Variants in PUM2 observed in about 807,000 individuals in gnomAD.
PUM2 encodes the protein pumilio RNA binding family member 2.
PUM2 carries 57 observed loss-of-function variants against 124.5 expected under a neutral mutation model. That is an observed-to-expected ratio of 0.46 (90% CI 0.37 to 0.57). PUM2 has a LOEUF of 0.57. Ranked by LOEUF, PUM2 falls within the 20% of genes least tolerant of loss-of-function variation. The pLI, the probability that PUM2 is intolerant of heterozygous loss-of-function variation, is 0.00. For missense variants in PUM2, 1,065 were observed against 1,290.6 expected, an observed-to-expected ratio of 0.83 and a Z score of 2.68; for synonymous variants, 460 against 446.1, an observed-to-expected ratio of 1.03 and a Z score of -0.39.
chr2:20,326,678 G>A (rs894640934), intron 2 of PUM2, among the ~76,000 whole-genome samples: 2 of 152,148 alleles, frequency 1.3e-5, no homozygotes, highest in South Asian at 4.1e-4. Flanking sequence ...GAAAATCATA[G>A]ATTAACGAGA....
At chr2:20,327,659 A>G (rs968862280) in intron 1 of PUM2, among the ~76,000 whole-genome samples, 1 of 152,232 alleles carries the variant, frequency 6.6e-6, no homozygotes, top group African/African-American at 2.4e-5. Flanking sequence ...AGAACAGTCT[A>G]TACTTTAAAG....
chr2:20,275,618 T>C (rs1358986655), intron 13 of PUM2, among the ~76,000 whole-genome samples: 2 of 152,052 alleles, frequency 1.3e-5, no homozygotes, highest in Non-Finnish European at 2.9e-5. Context: ...AACACGTGTC[T>C]CCCGATACAG....
At chr2:20,306,386 A>T (rs1173190060) in intron 7 of PUM2, among the ~76,000 whole-genome samples, 1 of 152,164 alleles carries the variant, frequency 6.6e-6, no homozygotes, top group Non-Finnish European at 1.5e-5. Context: ...AACCCCAAAA[A>T]AGAAGAGTAA....
chr2:20,264,391 T>TAC (rs1180569309), intron 13 of PUM2, among the ~76,000 whole-genome samples: 8 of 117,298 alleles, frequency 6.8e-5, no homozygotes, highest in African/African-American at 2.0e-4. Context: ...TATATATATA[T>TAC]ATATATTTGA....
intron 16 of PUM2, among the ~76,000 whole-genome samples, 166 bp downstream of exon 16, chr2:20,258,077 G>T (rs1665240989): frequency 6.6e-6 from 1 of 152,106 alleles, no homozygotes; most frequent in African/African-American, 2.4e-5. Context: ...TCTACTTTGT[G>T]ACTTCTAATT....
At chr2:20,256,670 A>AT (rs921893721) in intron 16 of PUM2, among the ~76,000 whole-genome samples, 2 of 152,188 alleles carry the variant, frequency 1.3e-5, no homozygotes, top group Non-Finnish European at 2.9e-5. Flanking sequence ...ATGGGCTATG[A>AT]TTTTTACATA....
chr2:20,264,362 A>T (rs66887403), intron 13 of PUM2, among the ~76,000 whole-genome samples: 1 of 75,768 alleles, frequency 1.3e-5, no homozygotes, highest in Non-Finnish European at 2.5e-5. Flanking sequence ...AAAAAAAAAA[A>T]AAAAAATATA....
intron 2 of PUM2, among the ~76,000 whole-genome samples, chr2:20,320,707 T>C (rs777940828): frequency 5.8e-4 from 88 of 152,210 alleles, no homozygotes; most frequent in South Asian, 1.0e-3. Context: ...TCCCAGTAAG[T>C]AAACTATAAC....
intron 9 of PUM2, among the ~76,000 whole-genome samples, chr2:20,291,441 T>C (rs957621154): frequency 5.3e-5 from 8 of 152,228 alleles, no homozygotes; most frequent in South Asian, 2.1e-4. Context: ...TCTATTCTGG[T>C]ACTTTATCCG....
chr2:20,272,133 G>C (rs889102200), intron 13 of PUM2, among the ~76,000 whole-genome samples: 1 of 151,518 alleles, frequency 6.6e-6, no homozygotes, highest in Non-Finnish European at 1.5e-5. Flanking sequence ...CTCCAGCCTG[G>C]GGGGCAGAGC....
chr2:20,252,125 G>C (rs931745542), intron 20 of PUM2, among the ~76,000 whole-genome samples: 2 of 152,198 alleles, frequency 1.3e-5, no homozygotes, highest in Non-Finnish European at 2.9e-5. Context: ...TAACGCAGCT[G>C]TTAAAAATAA....
intron 13 of PUM2, among the ~76,000 whole-genome samples, chr2:20,270,710 C>A (rs999889529): frequency 6.6e-6 from 1 of 152,024 alleles, no homozygotes; most frequent in African/African-American, 2.4e-5. Flanking sequence ...ATGTAGGATA[C>A]CAAGTAATTT....
At chr2:20,276,006 A>G (rs1572660309) in intron 13 of PUM2, among the ~76,000 whole-genome samples, 1 of 150,674 alleles carries the variant, frequency 6.6e-6, no homozygotes, top group African/African-American at 2.4e-5. Flanking sequence ...TACTGTAGTT[A>G]TTGTTTTGAA....
chr2:20,288,043 T>C (rs1479953368), intron 10 of PUM2, among the ~76,000 whole-genome samples: 1 of 152,230 alleles, frequency 6.6e-6, no homozygotes, highest in Non-Finnish European at 1.5e-5. Context: ...AAAGGATTAA[T>C]GCAAATATAC....
At position 20,249,260 on chromosome 2, in the gene PUM2, A is replaced by C. The variant is rs1057347942; in HGVS notation, c.*2325T>G. ...GTACAAAGACAGGAAAGCCATTACCAATCTCCAACATGACAGCTTTGATCC... is the reference window on the plus strand; with the variant it reads ...GTACAAAGACAGGAAAGCCATTACCCATCTCCAACATGACAGCTTTGATCC... On this transcript the variant is annotated 3_prime_UTR_variant, in exon 21 of 21. Transcript: ENST00000361078. The C allele has an allele frequency of 6.6e-6, 1 of 152,310 alleles. No homozygotes were observed. 9.4% of individuals were successfully genotyped at this position (152,310 alleles called of 1,614,324 possible).
chr2:20,254,836 C>A, intron 19 of PUM2, 27 bp downstream of exon 19: 9 of 1,605,350 alleles, frequency 5.6e-6, no homozygotes, highest in Non-Finnish European at 7.7e-6. Context: ...AAGAATTGAC[C>A]CTTAAAATTA....
At chr2:20,343,122 A>G (rs1397728601) in intron 1 of PUM2, among the ~76,000 whole-genome samples, 1 of 144,106 alleles carries the variant, frequency 6.9e-6, no homozygotes, top group Non-Finnish European at 1.5e-5. Context: ...ATATTTTTAA[A>G]AGAGTCTGTG....
intron 1 of PUM2, among the ~76,000 whole-genome samples, chr2:20,328,626 A>G (rs1194294349): frequency 1.3e-5 from 2 of 152,232 alleles, no homozygotes; most frequent in Non-Finnish European, 2.9e-5. Flanking sequence ...ATTTCAGCAG[A>G]GAAAGAAAAA....
chr2:20,349,704 A>G (rs1190439283), intron 1 of PUM2, among the ~76,000 whole-genome samples: 3 of 152,144 alleles, frequency 2.0e-5, no homozygotes, highest in African/African-American at 4.8e-5. Context: ...ATTTCTCTTC[A>G]CCGTTTACAA....
Sources: allele counts gnomAD v4.1 joint callset (sites outside exome capture counted in the v4.1 genomes callset), GRCh38; gene constraint gnomAD v4.1.1; transcripts MANE v1.5; gene names NCBI Gene and HGNC (gene_info 2026-07-23, HGNC 2026-07-21).